Variants in PAPPA observed in about 807,000 individuals in gnomAD.
PAPPA encodes pappalysin-1.
A neutral mutation model predicts 164.0 loss-of-function variants in PAPPA; 60 were observed. The observed-to-expected ratio is 0.37, with a 90% CI of 0.30 to 0.45. The LOEUF is 0.45. PAPPA is among the 20% of genes least tolerant of loss of function. The pLI is 1.00. For missense variants in PAPPA, 1,782 were observed against 2,087.3 expected (o/e 0.85, Z 2.85); for synonymous variants, 875 against 814.1 (o/e 1.07, Z -1.27).
At chr9:116,384,272 A>AATAATAATAATG (rs2118706552) in intron 21 of PAPPA, among the ~76,000 whole-genome samples, 1 of 145,678 alleles carries the variant, frequency 6.9e-6, no homozygotes, top group East Asian at 2.0e-4. Context: ...ACACGTAATT[A>AATAATAATAATG]ATAATAATAA....
intron 3 of PAPPA, among the ~76,000 whole-genome samples, chr9:116,208,292 A>AT (rs370245104): frequency 1.3e-5 from 2 of 152,138 alleles, no homozygotes; most frequent in African/African-American, 2.4e-5. Flanking sequence ...GTAAACATGC[A>AT]TTTTTTTAAC....
intron 4 of PAPPA, among the ~76,000 whole-genome samples, chr9:116,212,994 TC>T (rs948929392): frequency 5.3e-5 from 8 of 152,172 alleles, no homozygotes; most frequent in African/African-American, 1.9e-4. Flanking sequence ...CATATCTGAC[TC>T]CAAGTATTTT....
intron 21 of PAPPA, among the ~76,000 whole-genome samples, chr9:116,384,917 C>A (rs992083148): frequency 2.6e-5 from 4 of 152,104 alleles, no homozygotes; most frequent in Admixed American, 2.6e-4. Flanking sequence ...AATAATGTTC[C>A]TATCTATTGT....
chr9:116,296,095 G>C (rs969681498), intron 9 of PAPPA, among the ~76,000 whole-genome samples: 1 of 152,162 alleles, frequency 6.6e-6, no homozygotes, highest in Admixed American at 6.5e-5. Context: ...CTTAGTGTTA[G>C]CTGGGCATCT....
At chr9:116,237,666 C>T (rs377082683) in intron 7 of PAPPA, among the ~76,000 whole-genome samples, 5 of 151,956 alleles carry the variant, frequency 3.3e-5, no homozygotes, top group African/African-American at 7.3e-5. Flanking sequence ...TCTAGTCTTC[C>T]GATGCCTCAA....
At position 116,255,052 on chromosome 9, in the gene PAPPA, C is replaced by T. The variant is rs1016895642; in HGVS notation, c.2733-10805C>T. ...TTGCGTTGAAACGATTGTTCTCTAC[C>T]TTTCTACATTTAAAAAATATATAAT... On this transcript the variant is annotated intron_variant, in intron 7 of 21. Transcript: ENST00000328252. Among the ~76,000 whole-genome samples, 3 of 151,672 alleles carry T rather than the reference C, an allele frequency of 2.0e-5. 1 individual carries two copies. The highest frequency in any genetic ancestry group is 4.4e-5 in the Non-Finnish European group (3 of 67,972).
At chr9:116,202,813 CA>C (rs926794726) in intron 2 of PAPPA, among the ~76,000 whole-genome samples, 3 of 152,044 alleles carry the variant, frequency 2.0e-5, no homozygotes, top group Non-Finnish European at 2.9e-5. Context: ...TTTGAGGCTC[CA>C]AAAATTCTTG....
At chr9:116,201,575 T>G (rs1844171300) in intron 2 of PAPPA, among the ~76,000 whole-genome samples, 1 of 152,216 alleles carries the variant, frequency 6.6e-6, no homozygotes, top group Admixed American at 6.5e-5. Flanking sequence ...AACAGAATTC[T>G]GCATCTCGAG....
chr9:116,268,122 TTA>T (rs1276908709), intron 8 of PAPPA, among the ~76,000 whole-genome samples: 5 of 152,336 alleles, frequency 3.3e-5, no homozygotes, highest in Admixed American at 6.5e-5. Flanking sequence ...GTGTAAGGGT[TTA>T]TAACTGTTGC....
At chr9:116,387,812 C>G (rs1243125693) in intron 21 of PAPPA, among the ~76,000 whole-genome samples, 1 of 152,180 alleles carries the variant, frequency 6.6e-6, no homozygotes, top group Non-Finnish European at 1.5e-5. Context: ...TGCCTCTAAC[C>G]CCTTGGAACA....
intron 8 of PAPPA, among the ~76,000 whole-genome samples, chr9:116,270,055 G>T (rs1367941942): frequency 6.6e-6 from 1 of 152,170 alleles, no homozygotes; most frequent in African/African-American, 2.4e-5. Flanking sequence ...TGGGTGAAAG[G>T]AAAAGTCTAA....
intron 10 of PAPPA, among the ~76,000 whole-genome samples, chr9:116,307,287 A>T (rs1422302787): frequency 6.6e-6 from 1 of 152,112 alleles, no homozygotes; most frequent in Non-Finnish European, 1.5e-5. Flanking sequence ...CCCATCCATA[A>T]TACTTCATGC....
Position 116,331,363 on chromosome 9 carries a change from C to G in PAPPA, c.3261+6C>G, listed in dbSNP as rs1845989007. 1.3e-6 allele frequency: 2 copies of G among 1,538,042 alleles called. No individual in the cohort carries two copies. Among genetic ancestry groups the G allele is most frequent in the Non-Finnish European group, 1.8e-6 (2 of 1,110,784 alleles). ...AGACCACTTTTTGGCTCCGGGTAAG[C>G]TGAAGCTCTGAGAGCTTTGGAATCT... On this transcript the variant is annotated splice_donor_region_variant and intron_variant, in intron 11 of 21. Coordinates refer to ENST00000328252, the MANE Select transcript of PAPPA (RefSeq NM_002581.5).
In PAPPA at chr9:116,387,856, G is replaced by A. The variant is rs559751959; in HGVS notation, c.4776+5363G>A. ...CAGCAGGCTTGTGTCTTGCCCAAGCGTCTTGTCCTGCCCCTTGTGGGTGAT... is the reference window on the plus strand; with the variant it reads ...CAGCAGGCTTGTGTCTTGCCCAAGCATCTTGTCCTGCCCCTTGTGGGTGAT... On this transcript the variant is annotated intron_variant, in intron 21 of 21. Transcript: ENST00000328252. Among the ~76,000 whole-genome samples the A allele has an allele frequency of 8.5e-5, 13 of 152,312 alleles. No homozygotes were observed. In the East Asian group the frequency reaches 1.9e-3, roughly 23 times the overall value.
At chr9:116,201,372 A>G (rs1015107484) in intron 2 of PAPPA, among the ~76,000 whole-genome samples, 11 of 152,196 alleles carry the variant, frequency 7.2e-5, no homozygotes, top group Admixed American at 6.5e-4. Context: ...TGGGAATGAC[A>G]AGCTACAATC....
At chr9:116,256,363 G>A (rs1040010762) in intron 7 of PAPPA, among the ~76,000 whole-genome samples, 9 of 151,744 alleles carry the variant, frequency 5.9e-5, no homozygotes, top group South Asian at 2.1e-4. Context: ...TTAAAAATTC[G>A]ATAAATCCAA....
At chr9:116,280,548 G>A (rs951681223) in intron 9 of PAPPA, among the ~76,000 whole-genome samples, 3 of 152,222 alleles carry the variant, frequency 2.0e-5, no homozygotes, top group Non-Finnish European at 4.4e-5. Context: ...ACAAAGGAGG[G>A]ATGAGGCTGA....
intron 6 of PAPPA, among the ~76,000 whole-genome samples, chr9:116,231,075 G>A (rs1587962973): frequency 6.6e-6 from 1 of 150,686 alleles, no homozygotes; most frequent in Admixed American, 6.6e-5. Flanking sequence ...CAGCTGCAGT[G>A]TATATATATA....
chr9:116,212,870 G>C (rs2118687940), intron 4 of PAPPA, among the ~76,000 whole-genome samples: 1 of 152,220 alleles, frequency 6.6e-6, no homozygotes, highest in South Asian at 2.1e-4. Context: ...GTCCAGAAAG[G>C]CCTTTAATAT....
Sources: gnomAD v4.1 joint callset for allele counts (sites outside exome capture counted in the v4.1 genomes callset) on GRCh38, gnomAD v4.1.1 for gene constraint, MANE v1.5 for transcripts, NCBI Gene and HGNC (gene_info 2026-07-23, HGNC 2026-07-21) for gene names.